The following CNTN3 variants were observed in gnomAD, a reference collection of about 807,000 sequenced individuals.
CNTN3 encodes the protein contactin 3.
Under a neutral mutation model 119.1 loss-of-function variants are expected in CNTN3, and 60 were observed. The ratio of observed to expected loss-of-function variants is 0.50; its 90% CI spans 0.41 to 0.62. The LOEUF is 0.62. Among genes scored for constraint, CNTN3 ranks in the 20% least tolerant of loss-of-function variants. CNTN3 has a pLI of 0.00. For synonymous variants in CNTN3, 450 were observed against 438.7 expected (o/e 1.03, Z -0.32); for missense variants, 1,101 against 1,242.4 (o/e 0.89, Z 1.71).
At chr3:74,585,286 C>A (rs1704575309) in intron 1 of CNTN3, among the ~76,000 whole-genome samples, 1 of 152,048 alleles carries the variant, frequency 6.6e-6, no homozygotes, top group African/African-American at 2.4e-5. Flanking sequence ...GTTGTAAATT[C>A]TGTATTGCAT....
chr3:74,424,893 C>T lies in CNTN3; in HGVS notation c.406G>A (p.Glu136Lys), dbSNP rs1701671725. 3 of 1,613,638 alleles carry T rather than the reference C, an allele frequency of 1.9e-6. No homozygotes were observed. The highest frequency in any genetic ancestry group is 2.5e-6 in the Non-Finnish European group (3 of 1,179,764). ...TKMRSTVSVR[E>K]GQGVVLLCGP... ...CAGAGCAGCACAACTCCCTGGCCTT[C>T]ACGCACAGACACTGTACTCCTCATT... The change falls in exon 5 of 23, where the codon GAA (glutamate) becomes AAA (lysine). Residue 136 changes from glutamate to lysine, a missense_variant. Physicochemically the swap from Glu to Lys is moderately conservative, Grantham distance 56. Coordinates refer to ENST00000263665, the MANE Select transcript of CNTN3 (RefSeq NM_020872.3).
At position 74,310,059 on chromosome 3, in the gene CNTN3, T is replaced by C. The variant is rs911102450; in HGVS notation, c.1669-7252A>G. On this transcript the variant is annotated intron_variant, in intron 13 of 22. Transcript: ENST00000263665. The stretch of plus-strand genomic sequence containing the variant: ...CTTGATTGATGTGACAATTCTTGCA[T>C]TGAATTAAAATATTTCAAGTCAAAA... Among the ~76,000 whole-genome samples, 35 of 152,340 alleles carry C rather than the reference T, an allele frequency of 2.3e-4. 1 individual carries two copies. The highest frequency in any genetic ancestry group is 8.4e-4 in the African/African-American group (35 of 41,584).
chr3:74,301,316 T>C, intron 16 of CNTN3, 82 bp downstream of exon 16: 1 of 1,394,086 alleles, frequency 7.2e-7, no homozygotes, highest in Non-Finnish European at 9.9e-7. Context: ...GCTGACCCCC[T>C]GCTGGCCTGG....
chr3:74,511,451 G>A (rs554893871), intron 2 of CNTN3, among the ~76,000 whole-genome samples: 1 of 152,024 alleles, frequency 6.6e-6, no homozygotes, highest in East Asian at 1.9e-4. Context: ...GTACATCTAA[G>A]TATAATACCA....
intron 1 of CNTN3, among the ~76,000 whole-genome samples, chr3:74,596,158 T>A (rs1056283696): frequency 6.6e-6 from 1 of 152,098 alleles, no homozygotes; most frequent in Non-Finnish European, 1.5e-5. Flanking sequence ...CAAGGAGAAC[T>A]ACAAACCACT....
intron 1 of CNTN3, among the ~76,000 whole-genome samples, chr3:74,535,667 T>C (rs371802085): frequency 3.9e-5 from 6 of 152,238 alleles, no homozygotes; most frequent in Admixed American, 1.3e-4. Flanking sequence ...GACAGCCTGA[T>C]TGTGAACTGC....
At chr3:74,278,517 C>T (rs1249867137) in intron 20 of CNTN3, among the ~76,000 whole-genome samples, 1 of 152,104 alleles carries the variant, frequency 6.6e-6, no homozygotes, top group East Asian at 1.9e-4. Context: ...AAAGGACCCC[C>T]TTTTCAACAA....
intron 11 of CNTN3, among the ~76,000 whole-genome samples, chr3:74,338,065 C>G (rs1559553515): frequency 6.6e-6 from 1 of 152,028 alleles, no homozygotes; most frequent in South Asian, 2.1e-4. Flanking sequence ...GCATTTAACA[C>G]TTGAGTGTCT....
chr3:74,501,540 C>A (rs1388115828), intron 2 of CNTN3, among the ~76,000 whole-genome samples: 2 of 152,040 alleles, frequency 1.3e-5, no homozygotes, highest in African/African-American at 4.8e-5. Context: ...CAGTTTTCAG[C>A]AACGTTTGTA....
intron 4 of CNTN3, among the ~76,000 whole-genome samples, chr3:74,445,289 G>T (rs1197775421): frequency 6.6e-6 from 1 of 151,740 alleles, no homozygotes; most frequent in African/African-American, 2.4e-5. Context: ...TTTAGACAGG[G>T]TCTCCCTCTG....
chr3:74,516,781 GA>G (rs1703457620), intron 2 of CNTN3, among the ~76,000 whole-genome samples: 1 of 151,542 alleles, frequency 6.6e-6, no homozygotes, highest in Non-Finnish European at 1.5e-5. Context: ...ATAAGTAAAT[GA>G]GCAACTTGGT....
intron 20 of CNTN3, among the ~76,000 whole-genome samples, chr3:74,284,507 G>T (rs1450304344): frequency 6.6e-6 from 1 of 152,106 alleles, no homozygotes; most frequent in Non-Finnish European, 1.5e-5. Flanking sequence ...TTAAATGTGG[G>T]AATGAGCATA....
intron 1 of CNTN3, among the ~76,000 whole-genome samples, chr3:74,536,317 A>G (rs1259266246): frequency 6.6e-6 from 1 of 152,112 alleles, no homozygotes; most frequent in Non-Finnish European, 1.5e-5. Context: ...CCATACAGAT[A>G]TTAACCTTTT....
intron 13 of CNTN3, among the ~76,000 whole-genome samples, chr3:74,310,885 C>T (rs925001050): frequency 3.3e-5 from 5 of 152,138 alleles, no homozygotes; most frequent in Admixed American, 2.0e-4. Context: ...TGCCATACTG[C>T]CTCCGCCTTG....
intron 13 of CNTN3, among the ~76,000 whole-genome samples, chr3:74,327,825 C>A (rs1328860080): frequency 6.6e-6 from 1 of 151,578 alleles, no homozygotes; most frequent in Non-Finnish European, 1.5e-5. Flanking sequence ...TATATTTCTG[C>A]AGAAATGGTC....
intron 1 of CNTN3, among the ~76,000 whole-genome samples, chr3:74,553,637 G>A (rs569464343): frequency 8.5e-5 from 13 of 152,230 alleles, no homozygotes; most frequent in African/African-American, 1.2e-4. Context: ...TCTAACTGGC[G>A]TGAGATGATA....
chr3:74,420,536 C>A (rs1701600335), intron 5 of CNTN3, among the ~76,000 whole-genome samples: 1 of 152,158 alleles, frequency 6.6e-6, no homozygotes. Flanking sequence ...TTAGTTAACT[C>A]TGGAGATATT....
At chr3:74,434,505 G>A (rs981334686) in intron 4 of CNTN3, among the ~76,000 whole-genome samples, 2 of 152,146 alleles carry the variant, frequency 1.3e-5, no homozygotes, top group African/African-American at 4.8e-5. Flanking sequence ...CCCACCCCCA[G>A]AGGTCCATGA....
At chr3:74,452,177 C>G (rs1291879926) in intron 4 of CNTN3, among the ~76,000 whole-genome samples, 6 of 141,786 alleles carry the variant, frequency 4.2e-5, no homozygotes, top group Non-Finnish European at 7.6e-5. Flanking sequence ...TGTTTGTATC[C>G]TCTTTTATTT....
Sources: gnomAD v4.1 joint callset for allele counts (sites outside exome capture counted in the v4.1 genomes callset) on GRCh38, gnomAD v4.1.1 for gene constraint, MANE v1.5 for transcripts, NCBI Gene and HGNC (gene_info 2026-07-23, HGNC 2026-07-21) for gene names.